PARD3B: variants seen among roughly 807,000 people sequenced by gnomAD.
The protein encoded by PARD3B is par-3 family cell polarity regulator beta.
A neutral mutation model predicts 130.2 loss-of-function variants in PARD3B; 103 were observed. The ratio of observed to expected loss-of-function variants is 0.79; its 90% CI spans 0.67 to 0.93. The LOEUF (loss-of-function observed/expected upper bound fraction) is 0.93, where lower values mean the gene tolerates loss of function less well. PARD3B is among the 40% of genes least tolerant of loss of function. The probability of loss-of-function intolerance (pLI) is 0.00; values close to 1 mark genes in which losing one functional copy is unlikely to be tolerated. For missense variants in PARD3B, 1,609 were observed against 1,499.2 expected, an observed-to-expected ratio of 1.07 and a Z score of -1.21; for synonymous variants, 583 against 553.2, an observed-to-expected ratio of 1.05 and a Z score of -0.76.
At chr2:204,663,747 A>G (rs996951491) in intron 1 of PARD3B, among the ~76,000 whole-genome samples, 2 of 152,236 alleles carry the variant, frequency 1.3e-5, no homozygotes, top group African/African-American at 4.8e-5. Flanking sequence ...TTTTGTAGAT[A>G]GCAGCTACCA....
intron 19 of PARD3B, among the ~76,000 whole-genome samples, chr2:205,410,479 T>C (rs563812016): frequency 6.6e-6 from 1 of 152,324 alleles, no homozygotes; most frequent in African/African-American, 2.4e-5. Context: ...CTATTTTTAG[T>C]ACCATGAAAT....
intron 21 of PARD3B, among the ~76,000 whole-genome samples, chr2:205,547,749 A>AC (rs1178666513): frequency 6.6e-6 from 1 of 152,172 alleles, no homozygotes; most frequent in East Asian, 1.9e-4. Flanking sequence ...CCACAGGAAA[A>AC]CCAAGCATAC....
chr2:205,467,970 A>G (rs2106246934), intron 20 of PARD3B, among the ~76,000 whole-genome samples: 1 of 152,302 alleles, frequency 6.6e-6, no homozygotes, highest in Admixed American at 6.5e-5. Flanking sequence ...CTAGCTTTTC[A>G]ATATCTAGAA....
chr2:205,216,248 G>A (rs114440582), intron 15 of PARD3B, among the ~76,000 whole-genome samples: 1,610 of 152,232 alleles, frequency 0.011, 23 homozygotes, highest in African/African-American at 0.035. Flanking sequence ...TATAGCCTAG[G>A]TGTGTAGCAG....
chr2:204,600,371 C>CT (rs1298569896), intron 1 of PARD3B, among the ~76,000 whole-genome samples: 13 of 151,646 alleles, frequency 8.6e-5, no homozygotes, highest in African/African-American at 3.1e-4. Flanking sequence ...GGAGTCTGTT[C>CT]TTTTTTCCTT....
At chr2:204,960,511 C>T (rs760209644) in intron 2 of PARD3B, among the ~76,000 whole-genome samples, 25 of 152,108 alleles carry the variant, frequency 1.6e-4, no homozygotes, top group Non-Finnish European at 3.1e-4. Context: ...ATACCTAGAG[C>T]ATCTTAAGAT....
At chr2:205,166,022 C>G (rs989209483) in intron 11 of PARD3B, among the ~76,000 whole-genome samples, 2 of 151,964 alleles carry the variant, frequency 1.3e-5, no homozygotes, top group African/African-American at 4.8e-5. Context: ...CTCATAGTTA[C>G]AATTTGTAGA....
chr2:204,563,267 T>TCTCTCTG (rs1559158190), intron 1 of PARD3B, among the ~76,000 whole-genome samples: 1 of 59,304 alleles, frequency 1.7e-5, no homozygotes, highest in Non-Finnish European at 4.0e-5. Flanking sequence ...CTCTCTCTCT[T>TCTCTCTG]TCTCTCTTCT....
chr2:204,674,219 A>T (rs1045798401), intron 1 of PARD3B, among the ~76,000 whole-genome samples: 1 of 152,172 alleles, frequency 6.6e-6, no homozygotes, highest in African/African-American at 2.4e-5. Flanking sequence ...TAAAATAAGG[A>T]TAACATGATA....
At chr2:205,574,175 C>A (rs1011916291) in intron 22 of PARD3B, among the ~76,000 whole-genome samples, 2 of 152,136 alleles carry the variant, frequency 1.3e-5, no homozygotes, top group Admixed American at 1.3e-4. Context: ...AAACCAGTAA[C>A]CTTGTGGCAA....
chr2:205,118,157 C>A (rs192923220), intron 6 of PARD3B, among the ~76,000 whole-genome samples: 5 of 152,158 alleles, frequency 3.3e-5, no homozygotes, highest in Non-Finnish European at 5.9e-5. Flanking sequence ...CTAGATGCCC[C>A]CCTCCAGGTC....
chr2:205,320,943 C>G (rs780248119), intron 18 of PARD3B, among the ~76,000 whole-genome samples: 11 of 152,202 alleles, frequency 7.2e-5, no homozygotes, highest in Non-Finnish European at 1.0e-4. Flanking sequence ...GAAGAATACT[C>G]TCTTAAATAC....
chr2:204,830,686 A>G (rs1008235089), intron 2 of PARD3B, among the ~76,000 whole-genome samples: 7 of 152,178 alleles, frequency 4.6e-5, no homozygotes, highest in East Asian at 1.9e-4. Flanking sequence ...GGAACTCTCT[A>G]TTCTCTCCTA....
chr2:205,042,914 T>A (rs1698492731), intron 3 of PARD3B, among the ~76,000 whole-genome samples: 1 of 151,348 alleles, frequency 6.6e-6, no homozygotes, highest in Non-Finnish European at 1.5e-5. Flanking sequence ...TCTATAAGAA[T>A]TTATGCTTTA....
Position 205,124,369 on chromosome 2 carries a change from C to G in PARD3B, c.1208C>G (p.Ser403Cys), listed in dbSNP as rs1402805298. 2 of 1,598,602 alleles carry G rather than the reference C, an allele frequency of 1.3e-6. No homozygotes were observed. Among genetic ancestry groups the G allele is most frequent in the Middle Eastern group, 1.7e-4 (1 of 6,010 alleles). ...LGFTVVTRDS[S>C]IHGPGPIFVK... ...TTCACTGTGGTTACCAGAGACTCTT[C>G]CATACATGGTCCCGGTCCCATTTTT... Residue 403 changes from serine (S) to cysteine (C), a missense_variant, in exon 9 of 23, where the codon TCC (serine) becomes TGC (cysteine). Physicochemically the swap from Ser to Cys is moderately radical, Grantham distance 112. Transcript: ENST00000406610.
chr2:204,555,729 T>C (rs186077697), intron 1 of PARD3B, among the ~76,000 whole-genome samples: 66 of 152,292 alleles, frequency 4.3e-4, no homozygotes, highest in African/African-American at 1.6e-3. Context: ...ACTGATCGCT[T>C]GTCATGTTAT....
At chr2:204,962,671 T>A (rs1690853009) in intron 2 of PARD3B, among the ~76,000 whole-genome samples, 1 of 152,184 alleles carries the variant, frequency 6.6e-6, no homozygotes, top group Non-Finnish European at 1.5e-5. Context: ...AACAAGGACC[T>A]GCAACATATG....
intron 14 of PARD3B, among the ~76,000 whole-genome samples, chr2:205,186,717 T>C (rs1304858613): frequency 1.3e-5 from 2 of 152,320 alleles, no homozygotes; most frequent in East Asian, 3.9e-4. Context: ...CTGATTCTTA[T>C]ACTTTTGAAG....
rs75514979 is a variant in PARD3B, at chr2:204,724,988, G to A, written c.222+38706G>A. On this transcript the variant is annotated intron_variant, in intron 2 of 22. Coordinates refer to ENST00000406610, the MANE Select transcript of PARD3B (RefSeq NM_001302769.2). The stretch of plus-strand genomic sequence containing the variant: ...AGGGCAAGAAGTGGAAAATAGGGAA[G>A]CGGCTTAATGTCATGAATAAAAACA... Among the ~76,000 whole-genome samples the A allele has an allele frequency of 5.3e-3, 804 of 152,232 alleles. 8 individuals are homozygous for A. Among genetic ancestry groups the A allele is most frequent in the African/African-American group, 0.018 (750 of 41,554 alleles).
Sources: allele counts gnomAD v4.1 joint callset (sites outside exome capture counted in the v4.1 genomes callset), GRCh38; gene constraint gnomAD v4.1.1; transcripts MANE v1.5; gene names NCBI Gene and HGNC (gene_info 2026-07-23, HGNC 2026-07-21).